Variants in CNBD1 observed in about 807,000 individuals in gnomAD.
The protein encoded by CNBD1 is cyclic nucleotide binding domain containing 1.
In CNBD1, 71 loss-of-function variants were observed where a neutral mutation model predicts 54.4. The observed-to-expected ratio is 1.30, with a 90% CI of 1.08 to 1.59. The LOEUF (loss-of-function observed/expected upper bound fraction) is 1.59, where lower values mean the gene tolerates loss of function less well. Ranked by LOEUF, CNBD1 falls within the 40% of genes most tolerant of loss-of-function variation. CNBD1 has a pLI of 0.00. For synonymous variants in CNBD1, 182 were observed against 170.7 expected (o/e 1.07, Z -0.51); for missense variants, 659 against 518.0 (o/e 1.27, Z -2.64).
intron 8 of CNBD1, among the ~76,000 whole-genome samples, chr8:87,292,869 G>A (rs1196917386): frequency 6.6e-6 from 1 of 152,124 alleles, no homozygotes; most frequent in Admixed American, 6.6e-5. Context: ...AGAGCAGCAG[G>A]AGTGAGGTTT....
chr8:87,317,896 AT>A (rs1246360049), intron 8 of CNBD1, among the ~76,000 whole-genome samples: 5 of 142,178 alleles, frequency 3.5e-5, no homozygotes, highest in Admixed American at 7.0e-5. Flanking sequence ...TATATACTTG[AT>A]TTTTTTTCTT....
chr8:86,983,664 A>G (rs1395075274), intron 4 of CNBD1, among the ~76,000 whole-genome samples: 2 of 152,208 alleles, frequency 1.3e-5, no homozygotes, highest in Non-Finnish European at 2.9e-5. Flanking sequence ...GTTATGTTTT[A>G]GCAAAGAGAC....
At chr8:87,416,817 G>T (rs1586089636) in intron 2 of CNBD1, among the ~76,000 whole-genome samples, 1 of 151,996 alleles carries the variant, frequency 6.6e-6, no homozygotes. Context: ...AACAGATGAA[G>T]ATGTCACAAG....
At chr8:87,009,600 C>G (rs751057166) in intron 4 of CNBD1, among the ~76,000 whole-genome samples, 1 of 152,174 alleles carries the variant, frequency 6.6e-6, no homozygotes, top group South Asian at 2.1e-4. Flanking sequence ...CCACACCTGG[C>G]CCCCCAAAAC....
chr8:87,393,635 A>C (rs796582200), intron 2 of CNBD1, among the ~76,000 whole-genome samples: 7 of 152,002 alleles, frequency 4.6e-5, no homozygotes, highest in African/African-American at 1.7e-4. Context: ...ATAGAAATAT[A>C]AAAGTACAAA....
rs143809242 is a variant in CNBD1 at position 87,160,369 on chromosome 8, T to C, written c.432-45624T>C. ...TACATTTTTCTTTGGCTGTAGTCTA[T>C]AATATCATTTTATCATAAAACAAAG... On this transcript the variant is annotated intron_variant, in intron 4 of 10. Transcript: ENST00000518476. 2.5e-3 allele frequency among the ~76,000 whole-genome samples: 374 copies of C among 152,224 alleles called. 6 individuals are homozygous for C. Among genetic ancestry groups the C allele is most frequent in the African/African-American group, 8.4e-3 (350 of 41,578 alleles).
intron 2 of CNBD1, among the ~76,000 whole-genome samples, chr8:87,414,540 A>G (rs1031039228): frequency 6.6e-6 from 1 of 152,116 alleles, no homozygotes; most frequent in Non-Finnish European, 1.5e-5. Context: ...AAAAAAAGAA[A>G]TTAATATGTA....
intron 5 of CNBD1, among the ~76,000 whole-genome samples, chr8:87,231,245 ATTT>A (rs1322188380): frequency 6.6e-6 from 1 of 152,180 alleles, no homozygotes; most frequent in East Asian, 1.9e-4. Flanking sequence ...TTTGTAATGT[ATTT>A]TTTAACTGAA....
At chr8:87,384,990 CAGAA>C (rs1432659811), downstream of CNBD1, among the ~76,000 whole-genome samples, 3 of 152,068 alleles carry the variant, frequency 2.0e-5, no homozygotes, top group Non-Finnish European at 4.4e-5. Flanking sequence ...CTGAATGAAA[CAGAA>C]AGGCATGAGA....
At chr8:86,870,955 T>C (rs549171661) in intron 1 of CNBD1, among the ~76,000 whole-genome samples, 3 of 152,202 alleles carry the variant, frequency 2.0e-5, no homozygotes, top group Admixed American at 2.0e-4. Context: ...TTCAGAAGTA[T>C]TGAAAAATTT....
At chr8:86,950,303 C>A (rs1021699462) in intron 4 of CNBD1, among the ~76,000 whole-genome samples, 2 of 152,040 alleles carry the variant, frequency 1.3e-5, no homozygotes, top group Admixed American at 6.6e-5. Flanking sequence ...CTCCTCACCT[C>A]ATGATCCACC....
intron 4 of CNBD1, among the ~76,000 whole-genome samples, chr8:87,035,091 T>G (rs931546175): frequency 2.6e-5 from 4 of 152,214 alleles, no homozygotes; most frequent in African/African-American, 9.6e-5. Context: ...AAATATTATT[T>G]TATTGTCTTT....
At chr8:87,079,808 G>A (rs530515811) in intron 4 of CNBD1, among the ~76,000 whole-genome samples, 17 of 152,050 alleles carry the variant, frequency 1.1e-4, no homozygotes, top group African/African-American at 2.2e-4. Flanking sequence ...TTTAAATAGC[G>A]GGATACTTTT....
intron 4 of CNBD1, among the ~76,000 whole-genome samples, chr8:87,003,566 A>C (rs1267956764): frequency 3.9e-5 from 6 of 152,260 alleles, no homozygotes; most frequent in Non-Finnish European, 8.8e-5. Flanking sequence ...TTTATCAGTC[A>C]AATAGAAAAG....
chr8:87,347,681 A>T (rs1364432126), intron 8 of CNBD1, among the ~76,000 whole-genome samples: 1 of 152,144 alleles, frequency 6.6e-6, no homozygotes, highest in Non-Finnish European at 1.5e-5. Flanking sequence ...TGTATGGTTT[A>T]ATTGGTTATT....
At chr8:87,286,504 G>C (rs1157768778) in intron 7 of CNBD1, 35 bp from the exon 8 acceptor site, 1 of 1,225,024 alleles carries the variant, frequency 8.2e-7, no homozygotes, top group Admixed American at 2.2e-5. Context: ...TAAATTGCCT[G>C]TTATTAAAAA....
chr8:87,102,060 T>C (rs1283113749), intron 4 of CNBD1, among the ~76,000 whole-genome samples: 1 of 152,014 alleles, frequency 6.6e-6, no homozygotes, highest in Admixed American at 6.6e-5. Flanking sequence ...GGCTAATTTT[T>C]ATATTTTTAG....
At chr8:87,014,257 T>C (rs1042444349) in intron 4 of CNBD1, among the ~76,000 whole-genome samples, 1 of 124,072 alleles carries the variant, frequency 8.1e-6, no homozygotes, top group African/African-American at 3.1e-5. Flanking sequence ...ATCAGCAATG[T>C]CTTTAGAATT....
At chr8:86,960,883 G>C (rs1015895341) in intron 4 of CNBD1, among the ~76,000 whole-genome samples, 3 of 152,136 alleles carry the variant, frequency 2.0e-5, no homozygotes, top group Non-Finnish European at 2.9e-5. Context: ...GTTGTGGAGT[G>C]GACCTCCAGC....
Sources: gnomAD v4.1 joint callset for allele counts (sites outside exome capture counted in the v4.1 genomes callset) on GRCh38, gnomAD v4.1.1 for gene constraint, MANE v1.5 for transcripts, NCBI Gene and HGNC (gene_info 2026-07-23, HGNC 2026-07-21) for gene names.